The following ASH1L variants were observed in gnomAD, a reference collection of about 807,000 sequenced individuals.
ASH1L encodes ASH1 like histone lysine methyltransferase, also known as histone-lysine N-methyltransferase ASH1L.
In ASH1L, 23 loss-of-function variants were observed where a neutral mutation model predicts 269.0. The observed-to-expected ratio is 0.09, with a 90% CI of 0.06 to 0.12. The LOEUF (loss-of-function observed/expected upper bound fraction) is 0.12. Among genes scored for constraint, ASH1L ranks in the 10% least tolerant of loss-of-function variants. The probability of loss-of-function intolerance (pLI) is 1.00; values close to 1 mark genes in which losing one functional copy is unlikely to be tolerated. For missense variants in ASH1L, 2,912 were observed against 3,567.8 expected, an observed-to-expected ratio of 0.82 and a Z score of 4.68; for synonymous variants, 1,187 against 1,253.5, an observed-to-expected ratio of 0.95 and a Z score of 1.12.
intron 2 of ASH1L, among the ~76,000 whole-genome samples, chr1:155,506,578 T>C (rs1453581317): frequency 1.3e-5 from 2 of 151,908 alleles, no homozygotes; most frequent in Non-Finnish European, 2.9e-5. Flanking sequence ...GTGCCTGTAG[T>C]ACCAGCTACC....
In ASH1L at chr1:155,354,520, T is replaced by C. The variant is rs753343387; in HGVS notation, c.7166A>G (p.Tyr2389Cys). ...TSDNIHSASL[Y>C]TRWNGICRDD... ...TCGGCAGATCCCATTCCAACGGGTA[T>C]ATAATGATGCTGAGTGAATATTATC... The change falls in exon 16 of 28, where the codon TAT becomes TGT. Residue 2389 changes from tyrosine to cysteine, a missense_variant. Physicochemically the swap from Tyr to Cys is radical, Grantham distance 194. Transcript: ENST00000392403. 14 of 1,613,780 alleles carry C rather than the reference T, an allele frequency of 8.7e-6. No individual in the cohort carries two copies. The highest frequency in any genetic ancestry group is 6.7e-5 in the East Asian group (3 of 44,894).
In ASH1L at chr1:155,380,276, C is replaced by T. The variant is rs1231536854; in HGVS notation, c.6104-160G>A. ...CAATTTTTAATTTTAGCTCTTCTTT[C>T]CCACTATACTCCACACGATATATGC... is the stretch of plus-strand genomic sequence containing the variant. On this transcript the variant is annotated intron_variant, in intron 7 of 27. Coordinates refer to ENST00000392403, the MANE Select transcript of ASH1L (RefSeq NM_018489.3). 15 of 572,842 alleles carry T rather than the reference C, an allele frequency of 2.6e-5. No individual in the cohort carries two copies. In the East Asian group the frequency reaches 3.7e-4, roughly 14 times the overall value. The allele number at this position is 572,842 out of a possible 1,614,324, so 35.5% of individuals were successfully genotyped here. A position where few individuals can be genotyped will look rare whatever the true frequency, so the allele number is the denominator to read the frequency against.
At chr1:155,488,668 C>CGA (rs1666516013) in intron 2 of ASH1L, among the ~76,000 whole-genome samples, 2 of 29,188 alleles carry the variant, frequency 6.9e-5, no homozygotes, top group East Asian at 1.0e-3. Flanking sequence ...GACTCTGTCA[C>CGA]AAAAAAAAAA....
At chr1:155,525,310 C>G (rs1669175638) in intron 1 of ASH1L, among the ~76,000 whole-genome samples, 1 of 151,970 alleles carries the variant, frequency 6.6e-6, no homozygotes, top group Non-Finnish European at 1.5e-5. Context: ...CCTATCTTCT[C>G]CATGATGGGC....
chr1:155,348,295 T>C (rs1442061587), intron 19 of ASH1L, among the ~76,000 whole-genome samples: 1 of 152,158 alleles, frequency 6.6e-6, no homozygotes, highest in East Asian at 1.9e-4. Flanking sequence ...ATGTGGAAGC[T>C]GGGTTTCAGT....
chr1:155,421,154 G>A (rs1268387001), intron 5 of ASH1L, among the ~76,000 whole-genome samples: 2 of 149,254 alleles, frequency 1.3e-5, no homozygotes, highest in Non-Finnish European at 3.0e-5. Flanking sequence ...TGGGAAGACT[G>A]CTTAAACCTA....
At chr1:155,337,864 C>A (rs1392340434) in intron 27 of ASH1L, 113 bp from the exon 28 acceptor site, 1 of 1,134,712 alleles carries the variant, frequency 8.8e-7, no homozygotes, top group Non-Finnish European at 1.3e-6. Context: ...GACCTATAAG[C>A]AATTTAGCCC....
intron 2 of ASH1L, among the ~76,000 whole-genome samples, chr1:155,509,699 T>G (rs574645294): frequency 6.6e-6 from 1 of 152,174 alleles, no homozygotes; most frequent in South Asian, 2.1e-4. Context: ...CTCAGGAGGC[T>G]GAGGCAGAAG....
chr1:155,444,896 C>T (rs1324847125), intron 4 of ASH1L, among the ~76,000 whole-genome samples: 2 of 151,054 alleles, frequency 1.3e-5, no homozygotes, highest in Non-Finnish European at 2.9e-5. Context: ...GGATTACAGG[C>T]GTGAGCCACC....
At chr1:155,465,696 A>AT (rs1357292218) in intron 3 of ASH1L, among the ~76,000 whole-genome samples, 1 of 152,256 alleles carries the variant, frequency 6.6e-6, no homozygotes, top group Non-Finnish European at 1.5e-5. Flanking sequence ...TTCATTATTT[A>AT]TAAGTCAAAG....
At chr1:155,342,529 G>A (rs959590558) in intron 24 of ASH1L, among the ~76,000 whole-genome samples, 5 of 152,158 alleles carry the variant, frequency 3.3e-5, no homozygotes, top group African/African-American at 1.2e-4. Context: ...TGTCAGTTTT[G>A]GAATGGAATA....
At chr1:155,384,481 G>GT (rs67550672) in intron 7 of ASH1L, among the ~76,000 whole-genome samples, 6 of 151,244 alleles carry the variant, frequency 4.0e-5, no homozygotes, top group African/African-American at 9.8e-5. Context: ...AATTGGTGTG[G>GT]TTTTTTTTTG....
In ASH1L at chr1:155,480,551, G is replaced by C. The variant is rs1302446891; in HGVS notation, c.2319C>G (p.Asp773Glu). The change falls in exon 3 of 28, where the codon GAC becomes GAG. Residue 773 changes from aspartate to glutamate, a missense_variant. Physicochemically the swap from Asp to Glu is conservative, Grantham distance 45. This residue lies in a region of ASH1L where 715 missense variants were observed against 721.0 expected (regional missense o/e 0.99). Transcript: ENST00000392403. ...ACTTTGGCAATCGGCGTTTAAGGAA[G>C]TCATGATCTACAAATGAAGGGGGTC... Reference protein sequence around the residue: ...NIGPPSFVDHDFLKRRLPKLS... With the variant: ...NIGPPSFVDHEFLKRRLPKLS... The C allele has an allele frequency of 9.3e-6, 15 of 1,614,148 alleles. No individual in the cohort carries two copies. Among genetic ancestry groups the C allele is most frequent in the Non-Finnish European group, 1.3e-5 (15 of 1,179,992 alleles).
Position 155,562,630 on chromosome 1 carries a change from G to GT in ASH1L, c.-578dup, listed in dbSNP as rs1259582706. On this transcript the variant is annotated 5_prime_UTR_variant, in exon 1 of 28. Transcript: ENST00000392403. The stretch of plus-strand genomic sequence containing the variant: ...CACGCGTACGAGTGTCTACGGGCTC[G>GT]TCGCTGGCTGCTCCCACCAACCACC... The GT allele has an allele frequency of 2.0e-5, 30 of 1,526,170 alleles. No individual in the cohort carries two copies. The African/African-American group carries it at 3.8e-4, about 20-fold the overall frequency. 94.5% of individuals were successfully genotyped at this position (1,526,170 alleles called of 1,614,324 possible).
intron 3 of ASH1L, among the ~76,000 whole-genome samples, chr1:155,469,292 C>T (rs1570907982): frequency 6.6e-6 from 1 of 152,246 alleles, no homozygotes; most frequent in East Asian, 1.9e-4. Flanking sequence ...AAGCAATTCT[C>T]CTGCCTCAGC....
intron 4 of ASH1L, among the ~76,000 whole-genome samples, chr1:155,442,784 T>C (rs545944758): frequency 2.0e-5 from 3 of 152,128 alleles, no homozygotes; most frequent in Admixed American, 6.6e-5. Context: ...AAACTCATCA[T>C]GTTTTTTCTT....
intron 4 of ASH1L, among the ~76,000 whole-genome samples, chr1:155,444,206 T>A (rs981895533): frequency 6.6e-6 from 1 of 152,118 alleles, no homozygotes; most frequent in African/African-American, 2.4e-5. Context: ...GGTCTCGAAT[T>A]CCTGACCTCA....
At chr1:155,463,426 T>G (rs191657964) in intron 3 of ASH1L, among the ~76,000 whole-genome samples, 1 of 152,304 alleles carries the variant, frequency 6.6e-6, no homozygotes, top group African/African-American at 2.4e-5. Flanking sequence ...CCAAAAACAA[T>G]TTTATAAAAT....
intron 1 of ASH1L, among the ~76,000 whole-genome samples, chr1:155,527,775 G>T (rs1041846606): frequency 1.3e-5 from 2 of 151,904 alleles, no homozygotes; most frequent in Non-Finnish European, 2.9e-5. Context: ...TCAAGTCCTG[G>T]CCTCAAGCAA....
Sources: gnomAD v4.1 joint callset for allele counts (sites outside exome capture counted in the v4.1 genomes callset) on GRCh38, gnomAD v4.1.1 for gene constraint, gnomAD v4.1.1 regional missense constraint, MANE v1.5 for transcripts, NCBI Gene and HGNC (gene_info 2026-07-23, HGNC 2026-07-21) for gene names.